BABAM2: variants seen among roughly 807,000 people sequenced by gnomAD.
The protein encoded by BABAM2 is BRISC and BRCA1 A complex member 2, also known as BRISC and BRCA1-A complex member 2.
BABAM2 carries 31 observed loss-of-function variants against 54.7 expected under a neutral mutation model. The ratio of observed to expected loss-of-function variants is 0.57; its 90% confidence interval spans 0.43 to 0.77. The LOEUF (loss-of-function observed/expected upper bound fraction) is 0.77, where lower values mean the gene tolerates loss of function less well. Ranked by LOEUF, BABAM2 falls within the 30% of genes least tolerant of loss-of-function variation. The pLI, the probability that BABAM2 is intolerant of heterozygous loss-of-function variation, is 0.00. For synonymous variants in BABAM2, 167 were observed against 162.9 expected (o/e 1.03, Z -0.19); for missense variants, 364 against 455.8 (o/e 0.80, Z 1.83).
At chr2:28,034,856 G>A (rs183215146) in intron 5 of BABAM2, among the ~76,000 whole-genome samples, 1 of 152,232 alleles carries the variant, frequency 6.6e-6, no homozygotes, top group Admixed American at 6.5e-5. Context: ...CAGGTTTATG[G>A]TATTTGGCAG....
chr2:28,263,897 G>A (rs922403570), intron 10 of BABAM2, among the ~76,000 whole-genome samples: 9 of 152,234 alleles, frequency 5.9e-5, no homozygotes, highest in South Asian at 2.1e-4. Flanking sequence ...CAATTCCCCC[G>A]TCTCCAGGGA....
intron 7 of BABAM2, among the ~76,000 whole-genome samples, chr2:28,145,826 A>G (rs1196258036): frequency 6.6e-6 from 1 of 152,236 alleles, no homozygotes; most frequent in Non-Finnish European, 1.5e-5. Flanking sequence ...GTGGAATCAT[A>G]CAATATGTGG....
intron 9 of BABAM2, 38 bp from the exon 10 acceptor site, chr2:28,244,742 G>C: frequency 1.3e-6 from 2 of 1,550,712 alleles, no homozygotes; most frequent in Non-Finnish European, 1.8e-6. Context: ...TTTTATGAGG[G>C]TTTTTTTTGT....
rs998702297 is a variant in BABAM2, at chr2:28,025,602, AAGATATT to A, written c.495+184_495+190del. ...TTTGTCTAGTTCATTGTGTTTCTCA[AAGATATT>A]ACCTGGGAAGTTTGTAAGATTCAGA... is the stretch of plus-strand genomic sequence containing the variant. On this transcript the variant is annotated intron_variant, in intron 5 of 11. Coordinates refer to ENST00000379624, the MANE Select transcript of BABAM2 (RefSeq NM_199191.3). The A allele has an allele frequency of 2.5e-5, 14 of 560,830 alleles. No individual in the cohort carries two copies. In the African/African-American group the frequency reaches 2.7e-4, roughly 11 times the overall value. The allele number at this position is 560,830 out of a possible 1,614,324, so 34.7% of individuals were successfully genotyped here. A position where few individuals can be genotyped will look rare whatever the true frequency, so the allele number is the denominator to read the frequency against.
chr2:28,123,834 A>C (rs141028869), intron 6 of BABAM2, among the ~76,000 whole-genome samples: 6 of 152,324 alleles, frequency 3.9e-5, no homozygotes, highest in South Asian at 4.1e-4. Flanking sequence ...ATTCAGACTC[A>C]TGTTTTATGT....
intron 7 of BABAM2, among the ~76,000 whole-genome samples, chr2:28,169,994 GTTTA>G (rs1342032698): frequency 2.0e-5 from 3 of 152,032 alleles, no homozygotes; most frequent in Non-Finnish European, 4.4e-5. Context: ...TTATTTGAAA[GTTTA>G]TTTAAGTTTC....
At chr2:28,313,284 GA>G (rs1397033592) in intron 11 of BABAM2, among the ~76,000 whole-genome samples, 2 of 152,244 alleles carry the variant, frequency 1.3e-5, no homozygotes, top group African/African-American at 2.4e-5. Flanking sequence ...CAAAAGAGAA[GA>G]AGGAGTATTG....
At chr2:28,036,399 A>G (rs548899785) in intron 5 of BABAM2, among the ~76,000 whole-genome samples, 8 of 152,314 alleles carry the variant, frequency 5.3e-5, no homozygotes, top group Admixed American at 3.9e-4. Flanking sequence ...TCATGGTACC[A>G]TTAACTTATT....
chr2:27,985,120 T>C (rs1672312306), intron 3 of BABAM2, among the ~76,000 whole-genome samples: 1 of 150,154 alleles, frequency 6.7e-6, no homozygotes, highest in South Asian at 2.1e-4. Context: ...CTTTATCCGC[T>C]TGTTGACTGA....
chr2:28,177,606 T>C (rs774371930), intron 7 of BABAM2, among the ~76,000 whole-genome samples: 7 of 151,496 alleles, frequency 4.6e-5, no homozygotes, highest in African/African-American at 7.3e-5. Context: ...CAGAAAACGA[T>C]TGAACAAAAT....
chr2:28,090,285 G>A (rs972209777), intron 6 of BABAM2, among the ~76,000 whole-genome samples: 9 of 151,936 alleles, frequency 5.9e-5, no homozygotes, highest in Non-Finnish European at 1.3e-4. Flanking sequence ...TCGCTCCGTC[G>A]CCAGGCTGGA....
intron 3 of BABAM2, among the ~76,000 whole-genome samples, chr2:27,977,498 A>C (rs1448562065): frequency 6.6e-6 from 1 of 152,238 alleles, no homozygotes; most frequent in Non-Finnish European, 1.5e-5. Context: ...TAGCAGTGGT[A>C]AATACATAAA....
intron 6 of BABAM2, among the ~76,000 whole-genome samples, chr2:28,109,968 C>T (rs973246119): frequency 1.3e-5 from 2 of 152,126 alleles, no homozygotes; most frequent in Non-Finnish European, 2.9e-5. Flanking sequence ...ACCATCATGA[C>T]ATCCGTTTCT....
rs373968024 is a variant in BABAM2, at chr2:28,329,639, T to C, written c.1089-8811T>C. Among the ~76,000 whole-genome samples, 6 of 152,236 alleles carry C rather than the reference T, an allele frequency of 3.9e-5. No homozygotes were observed. In the South Asian group the frequency reaches 8.3e-4, roughly 21 times the overall value. The stretch of plus-strand genomic sequence containing the variant: ...CTCCCAAGACTGAACCAGAAAGAAG[T>C]TGAATCCCTGAATAGACCAATAACA... On this transcript the variant is annotated intron_variant, in intron 11 of 11. Coordinates refer to ENST00000379624, the MANE Select transcript of BABAM2 (RefSeq NM_199191.3). The surrounding 1 kb of genome is among the most constrained non-coding windows in gnomAD (Gnocchi z 4.2).
intron 10 of BABAM2, among the ~76,000 whole-genome samples, chr2:28,296,087 T>G (rs1011591438): frequency 6.6e-6 from 1 of 152,162 alleles, no homozygotes; most frequent in Admixed American, 6.5e-5. Flanking sequence ...CCATCCAGCC[T>G]GGGCGACAGA....
intron 6 of BABAM2, among the ~76,000 whole-genome samples, chr2:28,087,890 T>A (rs1665813339): frequency 6.6e-6 from 1 of 152,200 alleles, no homozygotes; most frequent in Non-Finnish European, 1.5e-5. Context: ...CGTCAAGTGA[T>A]CTGCCCATCT....
chr2:28,233,058 C>A, intron 7 of BABAM2: 1 of 328,320 alleles, frequency 3.0e-6, no homozygotes, highest in South Asian at 2.6e-5. Flanking sequence ...GAATGATCAA[C>A]TAATTTCATG....
At chr2:28,079,157 A>G (rs1169153336) in intron 6 of BABAM2, among the ~76,000 whole-genome samples, 2 of 152,226 alleles carry the variant, frequency 1.3e-5, no homozygotes, top group African/African-American at 4.8e-5. Flanking sequence ...CTCAAGAACC[A>G]TTAAGTGTGC....
intron 2 of BABAM2, among the ~76,000 whole-genome samples, chr2:27,920,087 CT>C (rs2148328447): frequency 6.6e-6 from 1 of 152,278 alleles, no homozygotes; most frequent in East Asian, 1.9e-4. Flanking sequence ...ATAGAATGTA[CT>C]TGATGTATCA....
Sources: gnomAD v4.1 joint callset for allele counts (sites outside exome capture counted in the v4.1 genomes callset) on GRCh38, gnomAD v4.1.1 for gene constraint, Gnocchi (gnomAD v3.1) non-coding constraint, MANE v1.5 for transcripts, NCBI Gene and HGNC (gene_info 2026-07-23, HGNC 2026-07-21) for gene names.